The following SCEL variants were observed in gnomAD, a reference collection of about 807,000 sequenced individuals.
The protein encoded by SCEL is sciellin.
Under a neutral mutation model 117.6 loss-of-function variants are expected in SCEL, and 113 were observed. The ratio of observed to expected loss-of-function variants is 0.96; its 90% CI spans 0.83 to 1.12. The LOEUF (loss-of-function observed/expected upper bound fraction) is 1.12, where lower values mean the gene tolerates loss of function less well. Ranked by LOEUF, SCEL falls within the 50% of genes most tolerant of loss-of-function variation. SCEL has a pLI of 0.00. For missense variants in SCEL, 785 were observed against 810.8 expected, an observed-to-expected ratio of 0.97 and a Z score of 0.39; for synonymous variants, 270 against 256.2, an observed-to-expected ratio of 1.05 and a Z score of -0.51.
chr13:77,642,836 A>C, intron 32 of SCEL, 28 bp downstream of exon 32: 1 of 1,270,020 alleles, frequency 7.9e-7, no homozygotes, highest in African/African-American at 1.5e-5. Context: ...AGCATTTAAC[A>C]CTTTGGTTAA....
At chr13:77,577,962 G>C (rs193031822) in intron 9 of SCEL, among the ~76,000 whole-genome samples, 27 of 152,020 alleles carry the variant, frequency 1.8e-4, no homozygotes, top group Admixed American at 1.4e-3. Flanking sequence ...TTTTCCCTGC[G>C]CTAGCCTGTC....
intron 4 of SCEL, among the ~76,000 whole-genome samples, chr13:77,563,133 A>G (rs922541273): frequency 2.7e-5 from 4 of 150,170 alleles, no homozygotes; most frequent in African/African-American, 7.4e-5. Context: ...TTCCCCCCCC[A>G]TTTTTGCTCA....
At chr13:77,557,301 A>G (rs1418877967) in intron 3 of SCEL, among the ~76,000 whole-genome samples, 1 of 152,230 alleles carries the variant, frequency 6.6e-6, no homozygotes, top group Non-Finnish European at 1.5e-5. Context: ...TTTGAAAACT[A>G]TGGCCATAGG....
intron 18 of SCEL, among the ~76,000 whole-genome samples, chr13:77,603,362 T>C (rs2087857970): frequency 6.6e-6 from 1 of 152,244 alleles, no homozygotes; most frequent in South Asian, 2.1e-4. Context: ...TGGGCTTTGA[T>C]TTGTCTTCAG....
chr13:77,556,089 A>G (rs1325221356), intron 2 of SCEL, among the ~76,000 whole-genome samples, 171 bp downstream of exon 2: 2 of 152,234 alleles, frequency 1.3e-5, no homozygotes, highest in Non-Finnish European at 2.9e-5. Flanking sequence ...GCTTTTAGTC[A>G]TGTAATTGGA....
At chr13:77,593,939 T>C (rs761964556) in intron 12 of SCEL, among the ~76,000 whole-genome samples, 6 of 152,186 alleles carry the variant, frequency 3.9e-5, no homozygotes, top group Non-Finnish European at 7.3e-5. Context: ...TTCCCAAATG[T>C]GCTGTTCCTC....
chr13:77,591,691 A>C (rs1230311188), intron 11 of SCEL, among the ~76,000 whole-genome samples: 2 of 152,212 alleles, frequency 1.3e-5, no homozygotes, highest in Non-Finnish European at 2.9e-5. Flanking sequence ...ACAAGGTAAC[A>C]GGATAAGATC....
At chr13:77,581,255 A>G (rs2086245772) in intron 9 of SCEL, among the ~76,000 whole-genome samples, 1 of 152,246 alleles carries the variant, frequency 6.6e-6, no homozygotes. Flanking sequence ...CTAAACATTC[A>G]AAATAATTAA....
intron 21 of SCEL, among the ~76,000 whole-genome samples, chr13:77,609,644 A>C (rs1223944046): frequency 6.6e-6 from 1 of 152,222 alleles, no homozygotes; most frequent in Non-Finnish European, 1.5e-5. Flanking sequence ...CAGATTACCT[A>C]GCTTTAAATC....
At position 77,568,525 on chromosome 13, in the gene SCEL, AAG is replaced by A. The variant is rs766873286; in HGVS notation, c.398+194_398+195del. ...ACTATCTGGACTTTTGCAGAAAAAA[AAG>A]ATTGCCAATCATTACTCTATCCAAA... On this transcript the variant is annotated intron_variant, in intron 7 of 32. Transcript: ENST00000349847. Among the ~76,000 whole-genome samples the A allele has an allele frequency of 2.3e-4, 35 of 152,166 alleles. 1 individual carries two copies. Among genetic ancestry groups the A allele is most frequent in the Non-Finnish European group, 4.6e-4 (31 of 68,012 alleles).
chr13:77,609,004 CA>C, intron 20 of SCEL, 53 bp from the exon 21 acceptor site: 1 of 1,364,522 alleles, frequency 7.3e-7, no homozygotes, highest in South Asian at 1.3e-5. Flanking sequence ...TCAAAACAGT[CA>C]ATTGATTTAA....
At chr13:77,643,663 A>G (rs2090665393) in intron 32 of SCEL, among the ~76,000 whole-genome samples, 2 of 152,168 alleles carry the variant, frequency 1.3e-5, no homozygotes, top group South Asian at 4.1e-4. Flanking sequence ...TTAATGACAA[A>G]TGTGTGATAT....
chr13:77,595,843 C>T (rs560124945), intron 12 of SCEL, among the ~76,000 whole-genome samples: 1 of 152,274 alleles, frequency 6.6e-6, no homozygotes, highest in Non-Finnish European at 1.5e-5. Context: ...ATACCTAAAA[C>T]TACTTGACAG....
chr13:77,633,957 A>C (rs1043009642), intron 28 of SCEL, among the ~76,000 whole-genome samples: 20 of 152,254 alleles, frequency 1.3e-4, no homozygotes, highest in African/African-American at 4.3e-4. Flanking sequence ...CTTTAGGTAG[A>C]TCTAAAGGCT....
intron 1 of SCEL, among the ~76,000 whole-genome samples, chr13:77,538,108 CAA>C (rs1312016596): frequency 6.8e-6 from 1 of 146,308 alleles, no homozygotes; most frequent in Non-Finnish European, 1.5e-5. Flanking sequence ...ACTTCTGAAT[CAA>C]AAGTCTTTTT....
chr13:77,634,490 A>C, intron 29 of SCEL, 40 bp downstream of exon 29: 2 of 1,429,032 alleles, frequency 1.4e-6, no homozygotes, highest in South Asian at 2.4e-5. Flanking sequence ...TTCATTTTAT[A>C]ATTTTGAAAG....
chr13:77,564,050 T>G, intron 5 of SCEL, 151 bp downstream of exon 5: 2 of 554,338 alleles, frequency 3.6e-6, no homozygotes, highest in Non-Finnish European at 6.0e-6. Flanking sequence ...AATTGAATTA[T>G]CTTCTTCAGA....
intron 32 of SCEL, 69 bp from the exon 33 acceptor site, chr13:77,644,189 G>C (rs1348277261): frequency 8.4e-6 from 13 of 1,544,712 alleles, no homozygotes; most frequent in Non-Finnish European, 1.1e-5. Context: ...GTGAATAATA[G>C]TCTGTAAATT....
intron 1 of SCEL, among the ~76,000 whole-genome samples, chr13:77,539,801 T>C (rs2083605067): frequency 6.6e-6 from 1 of 152,180 alleles, no homozygotes. Context: ...CCCAAAGTGC[T>C]GGGATTACAG....
Sources: gnomAD v4.1 joint callset for allele counts (sites outside exome capture counted in the v4.1 genomes callset) on GRCh38, gnomAD v4.1.1 for gene constraint, MANE v1.5 for transcripts, NCBI Gene and HGNC (gene_info 2026-07-23, HGNC 2026-07-21) for gene names.